Variants in TCF12 observed in about 807,000 individuals in gnomAD.
TCF12 encodes the protein transcription factor 12, also known as DNA-binding protein HTF4.
A neutral mutation model predicts 86.0 loss-of-function variants in TCF12; 45 were observed. That is an observed-to-expected ratio of 0.52 (90% CI 0.41 to 0.67). The LOEUF is 0.67. Ranked by LOEUF, TCF12 falls within the 30% of genes least tolerant of loss-of-function variation. The pLI is 0.00. For missense variants in TCF12, 881 were observed against 859.9 expected, an observed-to-expected ratio of 1.02 and a Z score of -0.31; for synonymous variants, 330 against 299.6, an observed-to-expected ratio of 1.10 and a Z score of -1.05.
At chr15:57,205,866 G>A (rs180899737) in intron 8 of TCF12, among the ~76,000 whole-genome samples, 2 of 152,310 alleles carry the variant, frequency 1.3e-5, no homozygotes, top group East Asian at 3.9e-4. Flanking sequence ...CCAAAAAGCA[G>A]AAGGAAAAGT....
At chr15:57,148,079 G>A (rs1257023408) in intron 5 of TCF12, among the ~76,000 whole-genome samples, 2 of 151,578 alleles carry the variant, frequency 1.3e-5, no homozygotes, top group African/African-American at 4.9e-5. Flanking sequence ...AGACACGATC[G>A]CACTATGTTG....
intron 3 of TCF12, among the ~76,000 whole-genome samples, chr15:57,060,968 C>CTTCTAA (rs1484508826): frequency 1.3e-5 from 2 of 152,190 alleles, no homozygotes; most frequent in African/African-American, 4.8e-5. Context: ...CGACCTTTTA[C>CTTCTAA]TCAGAGTCTG....
chr15:57,106,146 T>G (rs1596553779), intron 5 of TCF12, among the ~76,000 whole-genome samples: 2 of 152,252 alleles, frequency 1.3e-5, no homozygotes, highest in South Asian at 4.1e-4. Context: ...AGAAGCTTGT[T>G]CTAATTTGTG....
At chr15:57,223,944 A>G (rs541879135) in intron 8 of TCF12, among the ~76,000 whole-genome samples, 45 of 152,040 alleles carry the variant, frequency 3.0e-4, no homozygotes, top group Non-Finnish European at 4.9e-4. Flanking sequence ...AAATCTCTTA[A>G]TATAGAATGC....
intron 3 of TCF12, among the ~76,000 whole-genome samples, chr15:57,021,461 GT>G (rs2065475483): frequency 6.6e-6 from 1 of 152,224 alleles, no homozygotes; most frequent in Non-Finnish European, 1.5e-5. Flanking sequence ...GGCATCAACA[GT>G]GGCTTAGCAT....
At chr15:57,216,683 C>T (rs2058345574) in intron 8 of TCF12, among the ~76,000 whole-genome samples, 2 of 151,524 alleles carry the variant, frequency 1.3e-5, no homozygotes, top group African/African-American at 4.9e-5. Context: ...AATTGTGCTA[C>T]AGCTGTTGCA....
chr15:57,132,998 T>A (rs1031071640), intron 5 of TCF12, among the ~76,000 whole-genome samples: 1 of 152,246 alleles, frequency 6.6e-6, no homozygotes, highest in Non-Finnish European at 1.5e-5. Context: ...ATTTTTTTCA[T>A]GGTCACCTAA....
At chr15:57,042,587 A>G (rs1022998272) in intron 3 of TCF12, among the ~76,000 whole-genome samples, 3 of 151,718 alleles carry the variant, frequency 2.0e-5, no homozygotes, top group Admixed American at 6.6e-5. Flanking sequence ...CTAATTTTTA[A>G]TTTTTTTGTG....
At chr15:56,970,828 A>G (rs144527156) in intron 3 of TCF12, among the ~76,000 whole-genome samples, 1,760 of 151,602 alleles carry the variant, frequency 0.012, 31 homozygotes, top group African/African-American at 0.04. Flanking sequence ...GGCAGAAGAA[A>G]TGCTTGAGCC....
At chr15:57,230,473 T>C (rs1474111106) in intron 8 of TCF12, among the ~76,000 whole-genome samples, 10 of 152,062 alleles carry the variant, frequency 6.6e-5, no homozygotes, top group Admixed American at 6.6e-4. Flanking sequence ...GGCCATTTGC[T>C]AATTCAAAAT....
chr15:57,004,531 C>G (rs1409941969), intron 3 of TCF12, among the ~76,000 whole-genome samples: 1 of 152,184 alleles, frequency 6.6e-6, no homozygotes, highest in Non-Finnish European at 1.5e-5. Context: ...GCCTCAGCCT[C>G]CTGAGTAGCT....
intron 6 of TCF12, among the ~76,000 whole-genome samples, chr15:57,188,880 C>T (rs991215212): frequency 6.6e-6 from 1 of 152,202 alleles, no homozygotes; most frequent in African/African-American, 2.4e-5. Flanking sequence ...CTTAACCTCC[C>T]AGGCGCCAGC....
intron 14 of TCF12, among the ~76,000 whole-genome samples, chr15:57,251,883 A>C (rs2060133267): frequency 6.6e-6 from 1 of 152,200 alleles, no homozygotes; most frequent in African/African-American, 2.4e-5. Context: ...TCATGAAAGT[A>C]TTATTTCCCA....
At chr15:57,197,160 T>TTTTTTTTTTTTTTG (rs2057309020) in intron 7 of TCF12, among the ~76,000 whole-genome samples, 1 of 141,068 alleles carries the variant, frequency 7.1e-6, no homozygotes, top group Admixed American at 7.2e-5. Context: ...TTCTTTTTTT[T>TTTTTTTTTTTTTTG]TTTTTTTTTT....
At chr15:56,987,196 C>A (rs986337520) in intron 3 of TCF12, among the ~76,000 whole-genome samples, 1 of 152,052 alleles carries the variant, frequency 6.6e-6, no homozygotes, top group Non-Finnish European at 1.5e-5. Flanking sequence ...ACTGCAACCT[C>A]CACCTCCTGG....
At chr15:57,148,637 T>C (rs923632726) in intron 5 of TCF12, among the ~76,000 whole-genome samples, 3 of 149,572 alleles carry the variant, frequency 2.0e-5, no homozygotes, top group African/African-American at 4.9e-5. Flanking sequence ...TTCCCAACAC[T>C]TGGGAGGCTG....
intron 18 of TCF12, among the ~76,000 whole-genome samples, chr15:57,271,835 A>G (rs1267407371): frequency 6.6e-6 from 1 of 152,244 alleles, no homozygotes; most frequent in African/African-American, 2.4e-5. Context: ...TTAAATATAC[A>G]GTCTTTATTA....
chr15:57,012,096 A>G (rs1266544227), intron 3 of TCF12, among the ~76,000 whole-genome samples: 17 of 152,186 alleles, frequency 1.1e-4, no homozygotes, highest in African/African-American at 3.6e-4. Context: ...ATAGGAGAGT[A>G]TCTTTCTGGT....
intron 3 of TCF12, among the ~76,000 whole-genome samples, chr15:57,037,977 G>A (rs753634158): frequency 5.3e-5 from 8 of 152,156 alleles, no homozygotes; most frequent in Non-Finnish European, 1.2e-4. Flanking sequence ...CTAGGGGTAA[G>A]GAGTTTTAAT....
Sources: gnomAD v4.1 joint callset for allele counts (sites outside exome capture counted in the v4.1 genomes callset) on GRCh38, gnomAD v4.1.1 for gene constraint, MANE v1.5 for transcripts, NCBI Gene and HGNC (gene_info 2026-07-23, HGNC 2026-07-21) for gene names.